The following DLG2 variants were observed in gnomAD, a reference collection of about 807,000 sequenced individuals.
DLG2 encodes disks large homolog 2.
DLG2 carries 45 observed loss-of-function variants against 132.5 expected under a neutral mutation model. That is an observed-to-expected ratio of 0.34 (90% CI 0.27 to 0.44). DLG2 has a LOEUF of 0.44. Ranked by LOEUF, DLG2 falls within the 20% of genes least tolerant of loss-of-function variation. DLG2 has a pLI of 1.00. For synonymous variants in DLG2, 424 were observed against 419.6 expected (o/e 1.01, Z -0.13); for missense variants, 1,045 against 1,196.9 (o/e 0.87, Z 1.87).
intron 3 of DLG2, among the ~76,000 whole-genome samples, chr11:85,343,759 T>A (rs2213116): frequency 0.044 from 6,734 of 152,226 alleles, 195 homozygotes; most frequent in East Asian, 0.094. Context: ...CGGAACCTGA[T>A]AGAGCAGCGA....
chr11:84,675,406 T>G (rs942566742), intron 6 of DLG2, among the ~76,000 whole-genome samples: 1 of 151,860 alleles, frequency 6.6e-6, no homozygotes, highest in African/African-American at 2.4e-5. Flanking sequence ...AGGCTCTCCA[T>G]GCAAAAACCT....
intron 2 of DLG2, among the ~76,000 whole-genome samples, chr11:85,608,028 C>T (rs1480008941): frequency 6.6e-6 from 1 of 152,088 alleles, no homozygotes; most frequent in Admixed American, 6.5e-5. Flanking sequence ...TGCAGGTTTT[C>T]GAGAATGCAT....
At chr11:84,886,631 G>A (rs1027243066) in intron 6 of DLG2, among the ~76,000 whole-genome samples, 1 of 152,070 alleles carries the variant, frequency 6.6e-6, no homozygotes, top group Non-Finnish European at 1.5e-5. Context: ...ATTAGAAGGT[G>A]CAAAACCATT....
intron 6 of DLG2, among the ~76,000 whole-genome samples, chr11:85,050,140 A>AC (rs1411659299): frequency 6.6e-6 from 1 of 151,264 alleles, no homozygotes; most frequent in Non-Finnish European, 1.5e-5. Context: ...ACACACACAC[A>AC]CACACACACA....
intron 18 of DLG2, among the ~76,000 whole-genome samples, chr11:83,661,789 C>A (rs1488037650): frequency 6.6e-6 from 1 of 152,142 alleles, no homozygotes; most frequent in Non-Finnish European, 1.5e-5. Context: ...ACACCTTACA[C>A]TTCCGACTCA....
At chr11:84,160,521 G>A (rs143527642) in intron 9 of DLG2, among the ~76,000 whole-genome samples, 40 of 152,116 alleles carry the variant, frequency 2.6e-4, no homozygotes, top group Non-Finnish European at 3.7e-4. Context: ...ATAAGGGGGA[G>A]CTAATGAAAA....
At chr11:85,398,835 T>G (rs1455165588) in intron 3 of DLG2, among the ~76,000 whole-genome samples, 1 of 152,176 alleles carries the variant, frequency 6.6e-6, no homozygotes, top group Admixed American at 6.6e-5. Context: ...ACAGCCAAAT[T>G]CTACCAGAGG....
At chr11:84,042,668 A>C (rs2096122322) in intron 11 of DLG2, among the ~76,000 whole-genome samples, 1 of 151,752 alleles carries the variant, frequency 6.6e-6, no homozygotes, top group Admixed American at 6.6e-5. Flanking sequence ...GGTTTGTTAC[A>C]TAGGTAAATG....
intron 8 of DLG2, among the ~76,000 whole-genome samples, chr11:84,210,299 T>C (rs1228701727): frequency 6.7e-6 from 1 of 148,638 alleles, no homozygotes; most frequent in Non-Finnish European, 1.5e-5. Context: ...ATTAAATTAA[T>C]TAATTAATTA....
At chr11:84,425,837 T>C (rs1348741095) in intron 7 of DLG2, among the ~76,000 whole-genome samples, 2 of 152,100 alleles carry the variant, frequency 1.3e-5, no homozygotes, top group Non-Finnish European at 1.5e-5. Flanking sequence ...AAATTGTTAT[T>C]TCTAAGAAAT....
At chr11:83,655,523 T>C (rs1285483497) in intron 18 of DLG2, among the ~76,000 whole-genome samples, 1 of 152,238 alleles carries the variant, frequency 6.6e-6, no homozygotes, top group Non-Finnish European at 1.5e-5. Flanking sequence ...TCCCATTTCC[T>C]GCCCAGACCT....
At chr11:83,736,744 GA>G (rs1167465901) in intron 18 of DLG2, among the ~76,000 whole-genome samples, 10 of 150,886 alleles carry the variant, frequency 6.6e-5, no homozygotes, top group Admixed American at 4.0e-4. Flanking sequence ...AGAAGAAGAA[GA>G]AAAAAAAAGC....
chr11:83,784,369 A>G (rs917434731), intron 18 of DLG2, among the ~76,000 whole-genome samples: 1 of 152,224 alleles, frequency 6.6e-6, no homozygotes, highest in Non-Finnish European at 1.5e-5. Context: ...AGTTACACGT[A>G]AAGTTTGGAT....
At position 83,977,581 on chromosome 11, in the gene DLG2, T is replaced by C. The variant is rs553363763; in HGVS notation, c.1056+2925A>G. Reference sequence around the variant, plus strand: ...ACATATTCAATTTTGAGGTAGGTAATCAACAGGAATGAGAAAAATACAAGA... The same window carrying C: ...ACATATTCAATTTTGAGGTAGGTAACCAACAGGAATGAGAAAAATACAAGA... On this transcript the variant is annotated intron_variant, in intron 12 of 27. Coordinates refer to ENST00000376104, the MANE Select transcript of DLG2 (RefSeq NM_001142699.3). 2.9e-4 allele frequency among the ~76,000 whole-genome samples: 44 copies of C among 152,208 alleles called. 1 individual carries two copies. Among genetic ancestry groups the C allele is most frequent in the Admixed American group, 2.7e-3 (41 of 15,254 alleles).
rs1386883713 is a variant in DLG2 at position 84,867,779 on chromosome 11, CATA to C, written c.357+243879_357+243881del. On this transcript the variant is annotated intron_variant, in intron 6 of 27. Transcript: ENST00000376104. ...ACACAAAATTGTCAGGACCTTGTTTCATAATAATTATGGGGCCGGACGTGGTGG... is the reference window on the plus strand; with the variant it reads ...ACACAAAATTGTCAGGACCTTGTTTCATAATTATGGGGCCGGACGTGGTGG... Among the ~76,000 whole-genome samples the C allele has an allele frequency of 2.0e-5, 3 of 152,240 alleles. No homozygotes were observed. In the East Asian group the frequency reaches 5.8e-4, roughly 29 times the overall value.
chr11:84,944,935 C>G (rs1362812234), intron 6 of DLG2, among the ~76,000 whole-genome samples: 1 of 152,174 alleles, frequency 6.6e-6, no homozygotes, highest in African/African-American at 2.4e-5. Context: ...TTCTGAATTC[C>G]TTTTGTGTTC....
At chr11:85,352,959 A>G (rs2083411235) in intron 3 of DLG2, among the ~76,000 whole-genome samples, 2 of 152,206 alleles carry the variant, frequency 1.3e-5, no homozygotes, top group African/African-American at 2.4e-5. Context: ...ACCAAAAGCA[A>G]TAGCAACAAA....
intron 7 of DLG2, among the ~76,000 whole-genome samples, chr11:84,358,606 C>A (rs539891473): frequency 4.1e-4 from 63 of 151,862 alleles, no homozygotes; most frequent in African/African-American, 1.4e-3. Flanking sequence ...CACCCAGGAA[C>A]AAAGACTTGG....
At chr11:84,056,801 G>A (rs4586191) in intron 11 of DLG2, among the ~76,000 whole-genome samples, 112,971 of 151,958 alleles carry the variant, frequency 0.74, 42,439 homozygotes, top group Non-Finnish European at 0.81. Context: ...CTGTAAATCA[G>A]TAAGCTTTAT....
Sources: gnomAD v4.1 joint callset for allele counts (sites outside exome capture counted in the v4.1 genomes callset) on GRCh38, gnomAD v4.1.1 for gene constraint, MANE v1.5 for transcripts, NCBI Gene and HGNC (gene_info 2026-07-23, HGNC 2026-07-21) for gene names.